The following CACNA2D3 variants were observed in gnomAD, a reference collection of about 807,000 sequenced individuals.
CACNA2D3 encodes the protein voltage-dependent calcium channel subunit alpha-2/delta-3.
A neutral mutation model predicts 160.6 loss-of-function variants in CACNA2D3; 60 were observed. That is an observed-to-expected ratio of 0.37 (90% CI 0.30 to 0.46). The LOEUF (loss-of-function observed/expected upper bound fraction) is 0.46. Among genes scored for constraint, CACNA2D3 ranks in the 20% least tolerant of loss-of-function variants. The probability of loss-of-function intolerance (pLI) is 1.00; values close to 1 mark genes in which losing one functional copy is unlikely to be tolerated. For missense variants in CACNA2D3, 1,205 were observed against 1,365.0 expected (o/e 0.88, Z 1.85); for synonymous variants, 558 against 492.9 (o/e 1.13, Z -1.75).
At chr3:54,710,889 A>G (rs1700940729) in intron 11 of CACNA2D3, among the ~76,000 whole-genome samples, 1 of 152,220 alleles carries the variant, frequency 6.6e-6, no homozygotes, top group Non-Finnish European at 1.5e-5. Context: ...CTCCTTACCT[A>G]CAATTGAAAA....
intron 3 of CACNA2D3, among the ~76,000 whole-genome samples, chr3:54,372,187 A>G (rs559915152): frequency 6.6e-6 from 1 of 152,370 alleles, no homozygotes; most frequent in African/African-American, 2.4e-5. Context: ...AAAACTTAAA[A>G]GCCACTAAAG....
In CACNA2D3 at chr3:54,775,230, AG is replaced by A. The variant is rs570235832; in HGVS notation, c.1380+10880del. ...TCCTGGGAAGACCGAGAAGTACCAG[AG>A]TCCTGCACAAAACTTGTTGGTAGAA... On this transcript the variant is annotated intron_variant, in intron 13 of 37. Coordinates refer to ENST00000474759, the MANE Select transcript of CACNA2D3 (RefSeq NM_018398.3). Among the ~76,000 whole-genome samples, 1,387 of 152,316 alleles carry A rather than the reference AG, an allele frequency of 9.1e-3. 19 individuals carry two copies. The highest frequency in any genetic ancestry group is 0.015 in the Non-Finnish European group (1,038 of 68,028).
intron 2 of CACNA2D3, among the ~76,000 whole-genome samples, chr3:54,313,512 C>G (rs1050489016): frequency 6.6e-6 from 1 of 152,210 alleles, no homozygotes; most frequent in Admixed American, 6.5e-5. Context: ...CCACCCACCT[C>G]CCCACATCAG....
chr3:54,222,387 A>G (rs1379191119), intron 2 of CACNA2D3, among the ~76,000 whole-genome samples: 1 of 152,228 alleles, frequency 6.6e-6, no homozygotes, highest in Non-Finnish European at 1.5e-5. Flanking sequence ...GAAGGCAGGA[A>G]TAAACCAATG....
chr3:54,251,579 C>T (rs1702190634), intron 2 of CACNA2D3, among the ~76,000 whole-genome samples: 1 of 152,192 alleles, frequency 6.6e-6, no homozygotes, highest in Admixed American at 6.5e-5. Flanking sequence ...GAAATGTCAA[C>T]CTATTTTGGT....
intron 27 of CACNA2D3, among the ~76,000 whole-genome samples, chr3:54,950,279 A>G (rs1009468999): frequency 6.6e-6 from 1 of 152,184 alleles, no homozygotes; most frequent in African/African-American, 2.4e-5. Flanking sequence ...GGCCCAAATG[A>G]ACGTAGATGT....
intron 25 of CACNA2D3, among the ~76,000 whole-genome samples, chr3:54,894,333 C>CT (rs1178503654): frequency 6.6e-6 from 1 of 152,200 alleles, no homozygotes. Context: ...GACACCAGGG[C>CT]TAATGGGGAT....
At chr3:54,621,260 G>A (rs1575387052) in intron 9 of CACNA2D3, among the ~76,000 whole-genome samples, 2 of 152,330 alleles carry the variant, frequency 1.3e-5, no homozygotes, top group Middle Eastern at 6.8e-3. Flanking sequence ...TGATCACAGA[G>A]AGTCATCAGT....
chr3:54,460,631 C>A (rs1700485497), intron 4 of CACNA2D3, among the ~76,000 whole-genome samples: 1 of 152,122 alleles, frequency 6.6e-6, no homozygotes, highest in African/African-American at 2.4e-5. Flanking sequence ...ATTTTGTATC[C>A]TGAGACTTTG....
chr3:54,222,625 C>T (rs187399142), intron 2 of CACNA2D3, among the ~76,000 whole-genome samples: 12 of 152,340 alleles, frequency 7.9e-5, no homozygotes, highest in South Asian at 6.2e-4. Flanking sequence ...AATCCCACTA[C>T]AATGTCTTTA....
At chr3:54,141,876 C>T (rs1272143632) in intron 2 of CACNA2D3, among the ~76,000 whole-genome samples, 1 of 152,138 alleles carries the variant, frequency 6.6e-6, no homozygotes, top group East Asian at 1.9e-4. Flanking sequence ...CTACTCTGTC[C>T]AGGTATCATG....
At chr3:54,343,363 C>G (rs1383342329) in intron 3 of CACNA2D3, among the ~76,000 whole-genome samples, 1 of 152,056 alleles carries the variant, frequency 6.6e-6, no homozygotes, top group East Asian at 1.9e-4. Flanking sequence ...ACCATCATAG[C>G]CCACTGCAGC....
chr3:54,243,887 G>T (rs1343100859), intron 2 of CACNA2D3, among the ~76,000 whole-genome samples: 1 of 152,190 alleles, frequency 6.6e-6, no homozygotes, highest in Non-Finnish European at 1.5e-5. Flanking sequence ...GATGAATATG[G>T]AGATGGAAAT....
At chr3:55,054,981 G>A (rs1262402030) in intron 35 of CACNA2D3, among the ~76,000 whole-genome samples, 1 of 151,988 alleles carries the variant, frequency 6.6e-6, no homozygotes, top group Non-Finnish European at 1.5e-5. Context: ...CCTTTATCAT[G>A]TACAGAATTT....
At chr3:54,270,006 CTTG>C (rs912117083) in intron 2 of CACNA2D3, among the ~76,000 whole-genome samples, 1 of 152,156 alleles carries the variant, frequency 6.6e-6, no homozygotes, top group African/African-American at 2.4e-5. Context: ...CATTCCTTGG[CTTG>C]TTGTACCAGA....
chr3:54,152,221 G>A (rs750529251), intron 2 of CACNA2D3, among the ~76,000 whole-genome samples: 1 of 152,168 alleles, frequency 6.6e-6, no homozygotes, highest in Non-Finnish European at 1.5e-5. Flanking sequence ...AACATGTAGT[G>A]GTTAATATCC....
intron 11 of CACNA2D3, among the ~76,000 whole-genome samples, chr3:54,684,256 G>A (rs1168206562): frequency 6.6e-6 from 1 of 152,030 alleles, no homozygotes; most frequent in Non-Finnish European, 1.5e-5. Flanking sequence ...CACCACGCCT[G>A]GCCAAAATTT....
chr3:54,733,276 A>C (rs750561607), intron 11 of CACNA2D3, among the ~76,000 whole-genome samples: 3 of 152,226 alleles, frequency 2.0e-5, no homozygotes, highest in Non-Finnish European at 4.4e-5. Flanking sequence ...TGAGTTACCC[A>C]CGTCACTTGG....
chr3:54,413,755 T>A (rs1699709604), intron 4 of CACNA2D3, among the ~76,000 whole-genome samples: 1 of 151,644 alleles, frequency 6.6e-6, no homozygotes, highest in African/African-American at 2.4e-5. Context: ...ATCTTTTTTT[T>A]ATTTTCTATT....
Sources: allele counts gnomAD v4.1 joint callset (sites outside exome capture counted in the v4.1 genomes callset), GRCh38; gene constraint gnomAD v4.1.1; transcripts MANE v1.5; gene names NCBI Gene and HGNC (gene_info 2026-07-23, HGNC 2026-07-21).